TYW3: variants seen among roughly 807,000 people sequenced by gnomAD.
TYW3 encodes the protein tRNA-yW synthesizing protein 3 homolog, also known as tRNA wybutosine-synthesizing protein 3 homolog.
TYW3 carries 26 observed loss-of-function variants against 23.1 expected under a neutral mutation model. That is an observed-to-expected ratio of 1.13 (90% CI 0.83 to 1.56). The LOEUF (loss-of-function observed/expected upper bound fraction) is 1.56. Among genes scored for constraint, TYW3 ranks in the 40% most tolerant of loss-of-function variants. The pLI, the probability that TYW3 is intolerant of heterozygous loss-of-function variation, is 0.00. For synonymous variants in TYW3, 102 were observed against 105.7 expected (o/e 0.97, Z 0.21); for missense variants, 316 against 311.9 (o/e 1.01, Z -0.10).
intron 3 of TYW3, 123 bp from the exon 4 acceptor site, chr1:74,748,628 G>A: frequency 8.6e-6 from 8 of 925,464 alleles, no homozygotes; most frequent in South Asian, 6.1e-5. Context: ...TTGGCTAGAC[G>A]AAAAATTTTT....
Position 74,763,806 on chromosome 1 carries a change from A to G in TYW3, c.561-88A>G, listed in dbSNP as rs534759964. The G allele has an allele frequency of 2.5e-4, 253 of 1,005,674 alleles. 1 individual carries two copies. Among genetic ancestry groups the G allele is most frequent in the Middle Eastern group, 2.4e-3 (7 of 2,972 alleles). 62.3% of individuals were successfully genotyped at this position (1,005,674 alleles called of 1,614,324 possible). A position where few individuals can be genotyped will look rare whatever the true frequency, so the allele number is the denominator to read the frequency against. On this transcript the variant is annotated intron_variant, in intron 5 of 5. Transcript: ENST00000370867. ...ATAAAGCTAATATGGGACATAGTCA[A>G]ATTTACATAACTTATAAGCTCTTGG...
intron 3 of TYW3, among the ~76,000 whole-genome samples, chr1:74,740,423 G>C (rs946984270): frequency 1.1e-4 from 17 of 152,230 alleles, no homozygotes; most frequent in Non-Finnish European, 7.3e-5. Flanking sequence ...AAAGAATAAA[G>C]CTTCTGCAGC....
chr1:74,754,068 A>G (rs1199603296), intron 5 of TYW3, among the ~76,000 whole-genome samples: 1 of 152,204 alleles, frequency 6.6e-6, no homozygotes, highest in Non-Finnish European at 1.5e-5. Flanking sequence ...CAGACTACAG[A>G]CTACTATATG....
intron 4 of TYW3, among the ~76,000 whole-genome samples, chr1:74,749,258 T>G (rs918635919): frequency 6.6e-6 from 1 of 152,240 alleles, no homozygotes; most frequent in Non-Finnish European, 1.5e-5. Flanking sequence ...AGGGCCACAT[T>G]CAGCCCACAT....
At chr1:74,743,292 A>C (rs1288975685) in intron 3 of TYW3, among the ~76,000 whole-genome samples, 1 of 151,708 alleles carries the variant, frequency 6.6e-6, no homozygotes, top group Non-Finnish European at 1.5e-5. Flanking sequence ...CTAAGTCTGC[A>C]GCCTTTCTCG....
chr1:74,736,542 G>T lies in TYW3; in HGVS notation c.175G>T (p.Gly59Cys). The T allele has an allele frequency of 6.3e-7, 1 of 1,578,030 alleles. No homozygotes were observed. Residue 59 changes from glycine to cysteine, a missense_variant and splice_region_variant, in exon 2 of 6, where the codon GGT (glycine) becomes TGT (cysteine). Gly to Cys is a radical substitution (Grantham distance 159, BLOSUM62 -3). Coordinates refer to ENST00000370867, the MANE Select transcript of TYW3 (RefSeq NM_138467.3). ...TAAATTATGTTATTTTTTATTTTAG[G>T]GTATAAATGGTTTTGAGGTTCAGAA... ...CAGRILLLDR[G>C]INGFEVQKQN...
intron 5 of TYW3, among the ~76,000 whole-genome samples, chr1:74,762,488 C>T (rs1438148909): frequency 6.6e-6 from 1 of 152,014 alleles, no homozygotes; most frequent in Admixed American, 6.6e-5. Flanking sequence ...CATTTTTATT[C>T]TGGGGTTATT....
chr1:74,756,866 T>A (rs1009703225), intron 5 of TYW3, among the ~76,000 whole-genome samples: 3 of 152,210 alleles, frequency 2.0e-5, no homozygotes, highest in African/African-American at 7.2e-5. Flanking sequence ...CCAAGGTCCC[T>A]GTGCTGTGTG....
chr1:74,757,369 C>G (rs1031281231), intron 5 of TYW3, among the ~76,000 whole-genome samples: 8 of 152,194 alleles, frequency 5.3e-5, no homozygotes, highest in Non-Finnish European at 8.8e-5. Flanking sequence ...CAGAGCTGCC[C>G]AAGACTATGG....
intron 1 of TYW3, among the ~76,000 whole-genome samples, chr1:74,734,691 C>G (rs992098818): frequency 6.6e-6 from 1 of 152,210 alleles, no homozygotes; most frequent in African/African-American, 2.4e-5. Context: ...AGATTAAAAA[C>G]CACGGGCTAT....
At chr1:74,738,339 C>T (rs553261962) in intron 2 of TYW3, among the ~76,000 whole-genome samples, 354 of 152,230 alleles carry the variant, frequency 2.3e-3, no homozygotes, top group Non-Finnish European at 4.0e-3. Flanking sequence ...TTGTCTCTAT[C>T]TCAATCTAAC....
intron 1 of TYW3, among the ~76,000 whole-genome samples, chr1:74,735,909 G>C (rs1369444633): frequency 6.6e-6 from 1 of 152,194 alleles, no homozygotes; most frequent in Non-Finnish European, 1.5e-5. Context: ...TCCTTGAGGG[G>C]TAGGTTCTGT....
At chr1:74,760,100 A>T (rs1036820124) in intron 5 of TYW3, among the ~76,000 whole-genome samples, 4 of 152,236 alleles carry the variant, frequency 2.6e-5, no homozygotes, top group African/African-American at 9.6e-5. Context: ...GAAAAATGTT[A>T]TTAAGAAAAT....
In TYW3 at chr1:74,764,226, G is replaced by A; in HGVS notation, c.*113G>A. On this transcript the variant is annotated 3_prime_UTR_variant, in exon 6 of 6. Coordinates refer to ENST00000370867, the MANE Select transcript of TYW3 (RefSeq NM_138467.3). ...TATCAGCCATTCATAAGCCAGTAAT[G>A]ACAAGTGCAGAGCTTCAAACTATAA... The A allele has an allele frequency of 1.1e-6, 1 of 884,614 alleles. No homozygotes were observed. The highest frequency in any genetic ancestry group is 1.7e-6 in the Non-Finnish European group (1 of 584,148). The allele number at this position is 884,614 out of a possible 1,614,324, so 54.8% of individuals were successfully genotyped here. A position where few individuals can be genotyped will look rare whatever the true frequency, so the allele number is the denominator to read the frequency against.
chr1:74,737,935 A>G (rs967562357), intron 2 of TYW3, among the ~76,000 whole-genome samples: 12 of 152,160 alleles, frequency 7.9e-5, no homozygotes, highest in African/African-American at 2.9e-4. Context: ...GAGTGATGGC[A>G]TGTACCCCAC....
chr1:74,742,246 C>T (rs1280706187), intron 3 of TYW3, among the ~76,000 whole-genome samples: 1 of 152,202 alleles, frequency 6.6e-6, no homozygotes, highest in African/African-American at 2.4e-5. Flanking sequence ...TGGCACACCC[C>T]TCACAGGCTT....
chr1:74,762,833 A>G (rs1649174936), intron 5 of TYW3, among the ~76,000 whole-genome samples: 1 of 152,140 alleles, frequency 6.6e-6, no homozygotes, highest in Non-Finnish European at 1.5e-5. Context: ...GCTGCAGGCT[A>G]CTGTGTCAAG....
chr1:74,765,301 T>C lies in TYW3; in HGVS notation c.*1188T>C, dbSNP rs988067455. Reference sequence around the variant, plus strand: ...CCAGGGATTTCATGTGTACACTTTATAGGAGAATAAGCAAGAGCTTAGGTA... The same window carrying C: ...CCAGGGATTTCATGTGTACACTTTACAGGAGAATAAGCAAGAGCTTAGGTA... On this transcript the variant is annotated 3_prime_UTR_variant, in exon 6 of 6. Transcript: ENST00000370867. 6.6e-4 allele frequency: 100 copies of C among 152,304 alleles called. No individual in the cohort carries two copies. The highest frequency in any genetic ancestry group is 2.0e-3 in the African/African-American group (85 of 41,572). 9.4% of individuals were successfully genotyped at this position (152,304 alleles called of 1,614,324 possible). A position where few individuals can be genotyped will look rare whatever the true frequency, so the allele number is the denominator to read the frequency against.
chr1:74,750,993 G>A (rs1030697800), intron 4 of TYW3: 3 of 151,876 alleles, frequency 2.0e-5, no homozygotes, highest in South Asian at 2.1e-4. Flanking sequence ...TTTATTTTTA[G>A]TAGAGACGGG....
Sources: gnomAD v4.1 joint callset for allele counts (sites outside exome capture counted in the v4.1 genomes callset) on GRCh38, gnomAD v4.1.1 for gene constraint, MANE v1.5 for transcripts, NCBI Gene and HGNC (gene_info 2026-07-23, HGNC 2026-07-21) for gene names.